Variants in HTR1F observed in about 807,000 individuals in gnomAD.
HTR1F encodes 5-hydroxytryptamine receptor 1F.
In HTR1F, 17 loss-of-function variants were observed where a neutral mutation model predicts 24.0. That is an observed-to-expected ratio of 0.71 (90% CI 0.48 to 1.06). HTR1F has a LOEUF of 1.06. Ranked by LOEUF, HTR1F falls within the 50% of genes least tolerant of loss-of-function variation. The pLI, the probability that HTR1F is intolerant of heterozygous loss-of-function variation, is 0.00. For synonymous variants in HTR1F, 186 were observed against 156.8 expected (o/e 1.19, Z -1.39); for missense variants, 391 against 427.8 (o/e 0.91, Z 0.76).
At chr3:87,793,240 A>T (rs1363889237) in intron 1 of HTR1F, 1 of 150,190 alleles carries the variant, frequency 6.7e-6, no homozygotes. Flanking sequence ...GTGGAGAGAG[A>T]CGGGGCACGG....
At chr3:87,901,368 G>A (rs1309712403) in intron 2 of HTR1F, among the ~76,000 whole-genome samples, 1 of 152,006 alleles carries the variant, frequency 6.6e-6, no homozygotes, top group African/African-American at 2.4e-5. Context: ...ACACAGAGAA[G>A]AAAGACCACA....
At chr3:87,883,748 T>C (rs1022674269) in intron 2 of HTR1F, among the ~76,000 whole-genome samples, 3 of 152,070 alleles carry the variant, frequency 2.0e-5, no homozygotes, top group Non-Finnish European at 2.9e-5. Context: ...ATATCAGTGA[T>C]TGAATATCAA....
At chr3:87,831,424 G>A (rs189627477) in intron 2 of HTR1F, among the ~76,000 whole-genome samples, 2 of 150,958 alleles carry the variant, frequency 1.3e-5, no homozygotes, top group African/African-American at 4.8e-5. Context: ...GTGCAGTGGC[G>A]CCATCTCGGC....
intron 2 of HTR1F, among the ~76,000 whole-genome samples, chr3:87,899,338 T>C (rs1415854751): frequency 6.6e-6 from 1 of 152,210 alleles, no homozygotes; most frequent in African/African-American, 2.4e-5. Flanking sequence ...CAGAATTCTT[T>C]CATTAAAACA....
At chr3:87,926,192 G>A (rs949796220) in intron 2 of HTR1F, among the ~76,000 whole-genome samples, 1 of 152,128 alleles carries the variant, frequency 6.6e-6, no homozygotes, top group East Asian at 1.9e-4. Context: ...GTATTAATAA[G>A]TCTTCTACCT....
chr3:87,835,049 G>C (rs538088718), intron 2 of HTR1F, among the ~76,000 whole-genome samples: 6 of 152,060 alleles, frequency 3.9e-5, no homozygotes, highest in Non-Finnish European at 7.4e-5. Context: ...TGGAATTATC[G>C]ATAGGTGTTT....
chr3:87,918,218 C>G (rs758149798), intron 2 of HTR1F, among the ~76,000 whole-genome samples: 1 of 151,782 alleles, frequency 6.6e-6, no homozygotes, highest in Admixed American at 6.6e-5. Flanking sequence ...AAGGGACATA[C>G]GTCAATATAA....
rs527356564 is a variant in HTR1F at position 87,874,800 on chromosome 3, T to A, written c.-43+52676T>A. On this transcript the variant is annotated intron_variant, in intron 2 of 2. Transcript: ENST00000319595. ...TATGGCACTGGCATAAAGGCAGACA[T>A]ATAGACTAGTGGAACGTAATAGAAA... 3.3e-5 allele frequency among the ~76,000 whole-genome samples: 5 copies of A among 152,178 alleles called. No homozygotes were observed. In the East Asian group the frequency reaches 9.7e-4, roughly 29 times the overall value.
intron 2 of HTR1F, among the ~76,000 whole-genome samples, chr3:87,833,978 A>G (rs1704634204): frequency 1.3e-5 from 2 of 152,166 alleles, no homozygotes; most frequent in South Asian, 4.1e-4. Flanking sequence ...ATCTTGTTGT[A>G]TCTTCAAAAA....
chr3:87,846,206 G>C (rs2107191384), intron 2 of HTR1F, among the ~76,000 whole-genome samples: 1 of 152,154 alleles, frequency 6.6e-6, no homozygotes, highest in South Asian at 2.1e-4. Flanking sequence ...GCTGAGACAG[G>C]TGGATCACCT....
At chr3:87,849,707 C>T (rs1705036948) in intron 2 of HTR1F, among the ~76,000 whole-genome samples, 1 of 151,882 alleles carries the variant, frequency 6.6e-6, no homozygotes, top group Non-Finnish European at 1.5e-5. Flanking sequence ...GCAATCTACT[C>T]ATCTGACAAA....
chr3:87,835,976 A>G (rs1375284876), intron 2 of HTR1F, among the ~76,000 whole-genome samples: 1 of 152,196 alleles, frequency 6.6e-6, no homozygotes, highest in Non-Finnish European at 1.5e-5. Context: ...TATGGTCACA[A>G]GAACTAAGCC....
rs531701749 is a variant in HTR1F at position 87,813,874 on chromosome 3, T to C, written c.-159-8134T>C. On this transcript the variant is annotated intron_variant, in intron 1 of 2. Coordinates refer to ENST00000319595, the MANE Select transcript of HTR1F (RefSeq NM_001322209.2). ...CTTCCCCTTCTGCCATGATTTTAAG[T>C]TTCCTGAGGCCTCCCCAGCCATGTG... Among the ~76,000 whole-genome samples the C allele has an allele frequency of 2.6e-5, 4 of 152,292 alleles. No individual in the cohort carries two copies. In the South Asian group the frequency reaches 8.3e-4, roughly 32 times the overall value.
At chr3:87,923,863 C>T (rs759454936) in intron 2 of HTR1F, among the ~76,000 whole-genome samples, 2 of 151,734 alleles carry the variant, frequency 1.3e-5, no homozygotes, top group Non-Finnish European at 2.9e-5. Context: ...ATGGTGTATA[C>T]CATTTTTGAA....
intron 2 of HTR1F, among the ~76,000 whole-genome samples, chr3:87,871,474 A>G (rs1705555084): frequency 6.6e-6 from 1 of 152,106 alleles, no homozygotes. Flanking sequence ...AGAAAGAGAA[A>G]GGGTACAAAG....
intron 2 of HTR1F, among the ~76,000 whole-genome samples, chr3:87,917,666 G>A (rs959073615): frequency 2.0e-5 from 3 of 151,596 alleles, no homozygotes; most frequent in African/African-American, 4.8e-5. Context: ...AAATCAGGAA[G>A]AATTAGATAC....
chr3:87,932,383 C>T (rs888385634), intron 2 of HTR1F, among the ~76,000 whole-genome samples: 12 of 151,928 alleles, frequency 7.9e-5, no homozygotes, highest in African/African-American at 2.9e-4. Flanking sequence ...CTGAGGGATC[C>T]ATTCTGTTCC....
intron 2 of HTR1F, among the ~76,000 whole-genome samples, chr3:87,844,468 T>A (rs1704889999): frequency 7.3e-6 from 1 of 136,144 alleles, no homozygotes; most frequent in Non-Finnish European, 1.5e-5. Context: ...TTTTCTCCCA[T>A]TTTGTAGGTT....
chr3:87,972,785 C>T (rs114329785), intron 2 of HTR1F, among the ~76,000 whole-genome samples: 1,610 of 152,160 alleles, frequency 0.011, 25 homozygotes, highest in African/African-American at 0.036. Flanking sequence ...TCATGTCATA[C>T]GCTAAAGAAG....
Sources: gnomAD v4.1 joint callset for allele counts (sites outside exome capture counted in the v4.1 genomes callset) on GRCh38, gnomAD v4.1.1 for gene constraint, MANE v1.5 for transcripts, NCBI Gene and HGNC (gene_info 2026-07-23, HGNC 2026-07-21) for gene names.